The following TMEM132D variants were observed in gnomAD, a reference collection of about 807,000 sequenced individuals.
TMEM132D encodes transmembrane protein 132D, also known as mature OL transmembrane protein.
Under a neutral mutation model 62.3 loss-of-function variants are expected in TMEM132D, and 21 were observed. The ratio of observed to expected loss-of-function variants is 0.34; its 90% confidence interval spans 0.24 to 0.49. The LOEUF (loss-of-function observed/expected upper bound fraction) is 0.49. TMEM132D is among the 20% of genes least tolerant of loss of function. TMEM132D has a pLI of 0.99. For synonymous variants in TMEM132D, 621 were observed against 575.6 expected (o/e 1.08, Z -1.13); for missense variants, 1,346 against 1,402.8 (o/e 0.96, Z 0.65).
At chr12:129,883,233 G>T (rs930586550) in intron 1 of TMEM132D, among the ~76,000 whole-genome samples, 2 of 152,026 alleles carry the variant, frequency 1.3e-5, no homozygotes, top group Non-Finnish European at 2.9e-5. Flanking sequence ...CTATAAAATT[G>T]CAATAAAGAA....
At chr12:129,485,732 G>A (rs1307008132) in intron 3 of TMEM132D, among the ~76,000 whole-genome samples, 1 of 152,232 alleles carries the variant, frequency 6.6e-6, no homozygotes, top group African/African-American at 2.4e-5. Context: ...AAAGAGGTCA[G>A]CCGAGGCTGG....
At chr12:129,584,841 G>A (rs951591660) in intron 2 of TMEM132D, among the ~76,000 whole-genome samples, 1 of 152,108 alleles carries the variant, frequency 6.6e-6, no homozygotes, top group African/African-American at 2.4e-5. Flanking sequence ...AGAAAGAACG[G>A]CTCCACATGT....
At chr12:129,387,078 C>T (rs1293468811) in intron 3 of TMEM132D, among the ~76,000 whole-genome samples, 3 of 151,764 alleles carry the variant, frequency 2.0e-5, no homozygotes, top group Non-Finnish European at 4.4e-5. Context: ...AACACCAACA[C>T]GAACACTAAC....
intron 3 of TMEM132D, among the ~76,000 whole-genome samples, chr12:129,480,805 C>T (rs953155819): frequency 1.3e-5 from 2 of 152,182 alleles, no homozygotes; most frequent in African/African-American, 4.8e-5. Context: ...GAATGAAGTG[C>T]ATGTGTCCCC....
chr12:129,480,975 C>T (rs1272310128), intron 3 of TMEM132D, among the ~76,000 whole-genome samples: 1 of 151,950 alleles, frequency 6.6e-6, no homozygotes. Context: ...TGAAACATGG[C>T]GGATGAACAC....
intron 3 of TMEM132D, among the ~76,000 whole-genome samples, chr12:129,474,683 T>C (rs1183781860): frequency 6.6e-6 from 1 of 152,224 alleles, no homozygotes; most frequent in Non-Finnish European, 1.5e-5. Flanking sequence ...CATTAACTTA[T>C]AGGCTACAGC....
intron 5 of TMEM132D, among the ~76,000 whole-genome samples, chr12:129,181,315 C>T (rs1351306605): frequency 6.6e-6 from 1 of 152,208 alleles, no homozygotes; most frequent in African/African-American, 2.4e-5. Flanking sequence ...CCCCAGGCCT[C>T]TAAAACACAC....
At chr12:129,369,130 C>G (rs930384449) in intron 3 of TMEM132D, among the ~76,000 whole-genome samples, 7 of 152,176 alleles carry the variant, frequency 4.6e-5, no homozygotes, top group African/African-American at 1.7e-4. Context: ...CGACTTGGAC[C>G]TTTGTTCTAT....
chr12:129,554,626 C>T (rs1343914312), intron 2 of TMEM132D, among the ~76,000 whole-genome samples: 2 of 152,302 alleles, frequency 1.3e-5, no homozygotes, highest in East Asian at 3.9e-4. Context: ...CTTCTCTCTA[C>T]TGTCACCTCT....
At chr12:129,818,109 T>C (rs1422329063) in intron 1 of TMEM132D, among the ~76,000 whole-genome samples, 2 of 142,326 alleles carry the variant, frequency 1.4e-5, no homozygotes, top group Non-Finnish European at 3.0e-5. Context: ...TTTCTATGTA[T>C]GTGTATCTGT....
chr12:129,613,067 A>G (rs1322881128), intron 2 of TMEM132D, among the ~76,000 whole-genome samples: 1 of 152,196 alleles, frequency 6.6e-6, no homozygotes, highest in African/African-American at 2.4e-5. Flanking sequence ...ATAACTTGCC[A>G]AACATAAAAT....
At chr12:129,243,982 G>C (rs1233574249) in intron 4 of TMEM132D, among the ~76,000 whole-genome samples, 4 of 152,078 alleles carry the variant, frequency 2.6e-5, no homozygotes, top group African/African-American at 7.2e-5. Flanking sequence ...AGAATCTCAG[G>C]GGGAGGAAGT....
chr12:129,230,419 A>C (rs1879606895), intron 4 of TMEM132D, among the ~76,000 whole-genome samples: 1 of 152,256 alleles, frequency 6.6e-6, no homozygotes, highest in African/African-American at 2.4e-5. Flanking sequence ...GACAGATGAA[A>C]ATCATGGGGA....
At chr12:129,623,728 C>T (rs185540) in intron 2 of TMEM132D, among the ~76,000 whole-genome samples, 4 of 120,130 alleles carry the variant, frequency 3.3e-5, no homozygotes, top group Admixed American at 9.2e-5. Context: ...TATATACATA[C>T]ATATATACAT....
intron 1 of TMEM132D, among the ~76,000 whole-genome samples, chr12:129,900,907 C>T (rs1420272100): frequency 6.6e-6 from 1 of 152,100 alleles, no homozygotes. Context: ...AGCAACAAAA[C>T]TTTATGTTTA....
chr12:129,191,626 A>C (rs1409731906), intron 5 of TMEM132D, among the ~76,000 whole-genome samples: 1 of 151,744 alleles, frequency 6.6e-6, no homozygotes, highest in African/African-American at 2.4e-5. Context: ...AAGATATAGG[A>C]GATATATATG....
rs556154321 is a variant in TMEM132D at position 129,250,067 on chromosome 12, T to C, written c.1300-40404A>G. On this transcript the variant is annotated intron_variant, in intron 4 of 8. Transcript: ENST00000422113. Reference sequence around the variant, plus strand: ...ACCCAGACGAGACTCTGCAAGGAGGTAGGCTGGGTGCCAGATGCCCCAAAT... The same window carrying C: ...ACCCAGACGAGACTCTGCAAGGAGGCAGGCTGGGTGCCAGATGCCCCAAAT... Among the ~76,000 whole-genome samples, 10 of 151,780 alleles carry C rather than the reference T, an allele frequency of 6.6e-5. No individual in the cohort carries two copies. In the South Asian group the frequency reaches 1.9e-3, roughly 29 times the overall value.
At chr12:129,803,214 A>C (rs1408085872) in intron 1 of TMEM132D, among the ~76,000 whole-genome samples, 1 of 150,908 alleles carries the variant, frequency 6.6e-6, no homozygotes, top group East Asian at 2.0e-4. Flanking sequence ...AGAACTCTCC[A>C]CCCCAAATCA....
At position 129,073,999 on chromosome 12, in the gene TMEM132D, T is replaced by C. The variant is rs1324211875; in HGVS notation, c.3176A>G (p.Tyr1059Cys). The change falls in exon 9 of 9, where the codon TAC (tyrosine) becomes TGC (cysteine). Residue 1059 changes from tyrosine to cysteine, a missense_variant. Transcript: ENST00000422113. ...TFTAVSSDDE[Y>C]PTRNSIVMSS... ...CATCACGATGGAGTTCCTGGTGGGG[T>C]ACTCGTCGTCTGAGGAGACGGCGGT... is the stretch of plus-strand genomic sequence containing the variant. The C allele has an allele frequency of 1.2e-6, 2 of 1,614,080 alleles. No homozygotes were observed. The highest frequency in any genetic ancestry group is 1.7e-6 in the Non-Finnish European group (2 of 1,179,956).
Sources: gnomAD v4.1 joint callset for allele counts (sites outside exome capture counted in the v4.1 genomes callset) on GRCh38, gnomAD v4.1.1 for gene constraint, MANE v1.5 for transcripts, NCBI Gene and HGNC (gene_info 2026-07-23, HGNC 2026-07-21) for gene names.